Variants in SMYD1 observed in about 807,000 individuals in gnomAD.
SMYD1 encodes histone-lysine N-methyltransferase SMYD1.
SMYD1 carries 49 observed loss-of-function variants against 54.0 expected under a neutral mutation model. The ratio of observed to expected loss-of-function variants is 0.91; its 90% CI spans 0.72 to 1.15. The LOEUF (loss-of-function observed/expected upper bound fraction) is 1.15. Among genes scored for constraint, SMYD1 ranks in the 50% most tolerant of loss-of-function variants. The pLI, the probability that SMYD1 is intolerant of heterozygous loss-of-function variation, is 0.00. For synonymous variants in SMYD1, 269 were observed against 234.2 expected, an observed-to-expected ratio of 1.15 and a Z score of -1.36; for missense variants, 653 against 639.6, an observed-to-expected ratio of 1.02 and a Z score of -0.23.
chr2:88,106,439 G>T lies in SMYD1; in HGVS notation c.1096G>T (p.Ala366Ser). Reference protein sequence around the residue: ...IVSEVLSYLQAFEEASFYARR... With the variant: ...IVSEVLSYLQSFEEASFYARR... ...TTCGGAGGTCCTTTCCTACCTCCAG[G>T]CCTTTGAGGAGGCCTCGTTCTATGC... Residue 366 changes from alanine (A) to serine (S), a missense_variant, in exon 8 of 10, where the codon GCC (alanine) becomes TCC (serine). Ala to Ser is a moderately conservative substitution (Grantham distance 99). Coordinates refer to ENST00000419482, the MANE Select transcript of SMYD1 (RefSeq NM_198274.4). 6.2e-7 allele frequency: 1 copy of T among 1,614,150 alleles called. No homozygotes were observed. Among genetic ancestry groups the T allele is most frequent in the Non-Finnish European group, 8.5e-7 (1 of 1,180,018 alleles).
chr2:88,069,592 C>T (rs1673903897), intron 1 of SMYD1, among the ~76,000 whole-genome samples: 1 of 152,226 alleles, frequency 6.6e-6, no homozygotes, highest in Non-Finnish European at 1.5e-5. Flanking sequence ...CCATTTGCTG[C>T]TTCCAATTCC....
At chr2:88,105,126 A>G (rs1674831286) in intron 7 of SMYD1, among the ~76,000 whole-genome samples, 1 of 152,216 alleles carries the variant, frequency 6.6e-6, no homozygotes, top group Non-Finnish European at 1.5e-5. Context: ...CAGTGTTTTA[A>G]AAAAGCTTTC....
chr2:88,088,733 AC>A (rs1236569277), intron 3 of SMYD1, among the ~76,000 whole-genome samples: 2 of 152,098 alleles, frequency 1.3e-5, no homozygotes, highest in Non-Finnish European at 2.9e-5. Flanking sequence ...CACTTTGGAA[AC>A]CTTTTTCCAG....
rs1674987440 is a variant in SMYD1, at chr2:88,110,340, T to A, written c.1315-14T>A. 1 of 1,607,266 alleles carries A rather than the reference T, an allele frequency of 6.2e-7. No homozygotes were observed. On this transcript the variant is annotated splice_polypyrimidine_tract_variant and intron_variant, in intron 9 of 9. Coordinates refer to ENST00000419482, the MANE Select transcript of SMYD1 (RefSeq NM_198274.4). Reference sequence around the variant, plus strand: ...GCTTGCTATCACTGTTTACGGTGTATCTGTGTCCCACAGGCCATGCGGGTG... The same window carrying A: ...GCTTGCTATCACTGTTTACGGTGTAACTGTGTCCCACAGGCCATGCGGGTG...
chr2:88,109,860 C>T (rs1558860872), intron 9 of SMYD1, among the ~76,000 whole-genome samples: 2 of 152,156 alleles, frequency 1.3e-5, no homozygotes, highest in Admixed American at 6.5e-5. Context: ...GTATCCTCGG[C>T]CTCTGAATGC....
At chr2:88,090,948 A>G in intron 3 of SMYD1, 64 bp from the exon 4 acceptor site, 1 of 1,542,626 alleles carries the variant, frequency 6.5e-7, no homozygotes, top group African/African-American at 1.4e-5. Context: ...AACTCCTTTC[A>G]ACAGCTAGGA....
In SMYD1 at chr2:88,091,092, G is replaced by A; in HGVS notation, c.609G>A (p.Leu203=). 6.2e-7 allele frequency: 1 copy of A among 1,614,154 alleles called. No homozygotes were observed. Among genetic ancestry groups the A allele is most frequent in the Non-Finnish European group, 8.5e-7 (1 of 1,180,020 alleles). Residue 203 remains leucine (L), a synonymous_variant, in exon 4 of 10, where the codon CTG becomes CTA. Transcript: ENST00000419482. ...VGVGIFPNLG[L]VNHDCWPNCT... ...TAGGCATCTTCCCCAACCTGGGCCT[G>A]GTGAACCATGACTGTTGGCCCAACT...
intron 7 of SMYD1, among the ~76,000 whole-genome samples, chr2:88,104,408 C>G (rs1345772459): frequency 2.0e-5 from 3 of 152,224 alleles, no homozygotes; most frequent in African/African-American, 7.2e-5. Context: ...TAGACAGTCA[C>G]ACACACAAAG....
chr2:88,087,955 G>A lies in SMYD1; in HGVS notation c.408G>A (p.Val136=). ...CCGTGGACGACTTGCAGAACCACGT[G>A]GAGCACTTTGGGGAGGAGGAGCAGA... ...LVSVDDLQNH[V]EHFGEEEQKD... is the part of the protein sequence containing the mutation. The change falls in exon 3 of 10, where the codon GTG becomes GTA. Residue 136 remains valine (V), a synonymous_variant. Coordinates refer to ENST00000419482, the MANE Select transcript of SMYD1 (RefSeq NM_198274.4). 1 of 1,614,156 alleles carries A rather than the reference G, an allele frequency of 6.2e-7. No individual in the cohort carries two copies.
rs112322852 is a variant in SMYD1, at chr2:88,098,946, T to A, written c.888+2162T>A. Among the ~76,000 whole-genome samples the A allele has an allele frequency of 2.6e-5, 4 of 152,200 alleles. No individual in the cohort carries two copies. In the South Asian group the frequency reaches 8.3e-4, roughly 32 times the overall value. The stretch of plus-strand genomic sequence containing the variant: ...CTTAATATATGCGTATGTAAACCTA[T>A]GTAGAAATAAAAACCAAATATTTTT... On this transcript the variant is annotated intron_variant, in intron 6 of 9. Transcript: ENST00000419482.
rs1674760659 is a variant in SMYD1 at position 88,103,117 on chromosome 2, AGACAAGG to A, written c.949_955del (p.Asp317LeufsTer11). ...TCTCCAAGGATACATTGGAAAAGAT[AGACAAGG>A]CTCGTTCCGAGGGTTTGTATCATGA... On this transcript the variant is annotated frameshift_variant, in exon 7 of 10. Transcript: ENST00000419482. LOFTEE classifies it high-confidence loss of function. 6.2e-7 allele frequency: 1 copy of A among 1,613,926 alleles called. No individual in the cohort carries two copies. The highest frequency in any genetic ancestry group is 8.5e-7 in the Non-Finnish European group (1 of 1,179,964).
intron 2 of SMYD1, among the ~76,000 whole-genome samples, chr2:88,087,382 C>G (rs530806551): frequency 6.6e-6 from 1 of 152,170 alleles, no homozygotes; most frequent in Admixed American, 6.5e-5. Flanking sequence ...CCTGCCCACA[C>G]CTCCACCTTT....
At chr2:88,077,430 G>A (rs1674092670) in intron 1 of SMYD1, among the ~76,000 whole-genome samples, 1 of 152,242 alleles carries the variant, frequency 6.6e-6, no homozygotes, top group Non-Finnish European at 1.5e-5. Flanking sequence ...ATATCCCTGT[G>A]AGGATAATGA....
chr2:88,068,457 T>C (rs1211367609), intron 1 of SMYD1, among the ~76,000 whole-genome samples: 1 of 152,214 alleles, frequency 6.6e-6, no homozygotes, highest in Non-Finnish European at 1.5e-5. Flanking sequence ...CCACTTTCCC[T>C]TGAAAAATCT....
chr2:88,080,517 G>GAC (rs2103984242), intron 1 of SMYD1, among the ~76,000 whole-genome samples: 2 of 152,316 alleles, frequency 1.3e-5, no homozygotes, highest in Non-Finnish European at 2.9e-5. Context: ...CCTTGGAACA[G>GAC]ACAGGCATGG....
intron 5 of SMYD1, among the ~76,000 whole-genome samples, chr2:88,094,822 G>A (rs550242284): frequency 7.2e-5 from 11 of 152,058 alleles, no homozygotes; most frequent in East Asian, 1.9e-4. Flanking sequence ...AAAGGGACTC[G>A]TGGGGGCAGA....
intron 1 of SMYD1, among the ~76,000 whole-genome samples, chr2:88,079,513 G>C (rs1015066406): frequency 2.6e-5 from 4 of 152,148 alleles, no homozygotes; most frequent in African/African-American, 9.7e-5. Context: ...CATCCCTGAT[G>C]TCTGCAATAA....
Position 88,089,583 on chromosome 2 carries a change from CTG to C in SMYD1, c.529-1427_529-1426del, listed in dbSNP as rs1558852287. 5.2e-5 allele frequency among the ~76,000 whole-genome samples: 6 copies of C among 114,992 alleles called. 1 individual carries two copies. Among genetic ancestry groups the C allele is most frequent in the East Asian group, 2.8e-4 (1 of 3,520 alleles). The allele number at this position is 114,992 out of a possible 152,430, so 75.4% of individuals were successfully genotyped here. A position where few individuals can be genotyped will look rare whatever the true frequency, so the allele number is the denominator to read the frequency against. ...TATTTTCAGGAGCCAGAGCTTCTAC[CTG>C]TTTTTTTTTTTTTTTTTTTTTTTTG... is the stretch of plus-strand genomic sequence containing the variant. On this transcript the variant is annotated intron_variant, in intron 3 of 9. Coordinates refer to ENST00000419482, the MANE Select transcript of SMYD1 (RefSeq NM_198274.4).
chr2:88,089,374 GCA>G (rs1484348969), intron 3 of SMYD1, among the ~76,000 whole-genome samples: 1 of 152,110 alleles, frequency 6.6e-6, no homozygotes, highest in Non-Finnish European at 1.5e-5. Context: ...AGCCATGTGG[GCA>G]CACAAAATTA....
Sources: allele counts gnomAD v4.1 joint callset (sites outside exome capture counted in the v4.1 genomes callset), GRCh38; gene constraint gnomAD v4.1.1; transcripts MANE v1.5; gene names NCBI Gene and HGNC (gene_info 2026-07-23, HGNC 2026-07-21).